Variants in TLN2 observed in about 807,000 individuals in gnomAD.
The protein encoded by TLN2 is talin 2.
In TLN2, 118 loss-of-function variants were observed where a neutral mutation model predicts 294.7. The observed-to-expected ratio is 0.40, with a 90% confidence interval of 0.34 to 0.47. The LOEUF (loss-of-function observed/expected upper bound fraction) is 0.47, where lower values mean the gene tolerates loss of function less well. Among genes scored for constraint, TLN2 ranks in the 20% least tolerant of loss-of-function variants. The probability of loss-of-function intolerance (pLI) is 0.84; values close to 1 mark genes in which losing one functional copy is unlikely to be tolerated. For synonymous variants in TLN2, 1,431 were observed against 1,304.5 expected (o/e 1.10, Z -2.09); for missense variants, 3,083 against 3,282.2 (o/e 0.94, Z 1.48).
chr15:62,698,526 G>A (rs971668726), intron 15 of TLN2, among the ~76,000 whole-genome samples: 1 of 152,170 alleles, frequency 6.6e-6, no homozygotes, highest in Admixed American at 6.5e-5. Context: ...ACACACTTCT[G>A]ATTATAATCC....
At chr15:62,500,206 C>T (rs1481884310) in intron 1 of TLN2, among the ~76,000 whole-genome samples, 15 of 151,958 alleles carry the variant, frequency 9.9e-5, no homozygotes, top group African/African-American at 2.2e-4. Flanking sequence ...GGTGTGGTGG[C>T]GCATGCCTGT....
intron 1 of TLN2, among the ~76,000 whole-genome samples, chr15:62,530,893 T>C (rs550297439): frequency 1.3e-5 from 2 of 152,366 alleles, no homozygotes; most frequent in South Asian, 4.1e-4. Context: ...CTAACAATTA[T>C]TCATACTTCT....
At chr15:62,588,159 C>T (rs2045777032) in intron 1 of TLN2, among the ~76,000 whole-genome samples, 1 of 152,040 alleles carries the variant, frequency 6.6e-6, no homozygotes, top group Non-Finnish European at 1.5e-5. Context: ...GGATTACAGG[C>T]GTGAGCCACC....
chr15:62,756,087 A>G (rs2062231153), intron 37 of TLN2, among the ~76,000 whole-genome samples: 1 of 152,220 alleles, frequency 6.6e-6, no homozygotes, highest in African/African-American at 2.4e-5. Flanking sequence ...GGGCTCTCCC[A>G]TCATTGCTGA....
At chr15:62,818,918 C>G (rs2067328145) in intron 52 of TLN2, among the ~76,000 whole-genome samples, 1 of 151,982 alleles carries the variant, frequency 6.6e-6, no homozygotes, top group Admixed American at 6.6e-5. Context: ...TGCAGTGATG[C>G]AACCACTGCT....
intron 43 of TLN2, 49 bp downstream of exon 43, chr15:62,776,959 G>T: frequency 1.4e-6 from 2 of 1,379,864 alleles, no homozygotes; most frequent in South Asian, 2.0e-5. Context: ...CCTCACCCAT[G>T]GGCCTCGCGT....
chr15:62,589,550 ATGTGT>A (rs1567152383), intron 1 of TLN2, 132 bp from the exon 2 acceptor site: 2 of 152,174 alleles, frequency 1.3e-5, no homozygotes, highest in Non-Finnish European at 2.9e-5. Flanking sequence ...TTCCCAGCCC[ATGTGT>A]TGTGGCAGAA....
At chr15:62,683,593 T>C (rs1347239295) in intron 11 of TLN2, among the ~76,000 whole-genome samples, 1 of 151,924 alleles carries the variant, frequency 6.6e-6, no homozygotes, top group African/African-American at 2.4e-5. Flanking sequence ...GCCTGCATTC[T>C]CCTGCCTCTG....
chr15:62,775,279 C>T (rs1192763149), intron 42 of TLN2, among the ~76,000 whole-genome samples: 1 of 152,078 alleles, frequency 6.6e-6, no homozygotes, highest in Non-Finnish European at 1.5e-5. Flanking sequence ...GAAATATGCA[C>T]CCTCCCTTTC....
intron 1 of TLN2, among the ~76,000 whole-genome samples, chr15:62,417,040 G>T (rs1206171964): frequency 6.6e-6 from 1 of 152,098 alleles, no homozygotes; most frequent in Non-Finnish European, 1.5e-5. Context: ...GCAGATCATC[G>T]AGTTACAGAG....
intron 30 of TLN2, among the ~76,000 whole-genome samples, chr15:62,738,882 G>A (rs1181539456): frequency 6.6e-6 from 1 of 152,200 alleles, no homozygotes; most frequent in African/African-American, 2.4e-5. Context: ...ACATTTAAAA[G>A]TTATTAGCAA....
At chr15:62,717,716 G>C (rs1326348256) in intron 24 of TLN2, 27 bp downstream of exon 24, 1 of 1,500,288 alleles carries the variant, frequency 6.7e-7, no homozygotes, top group Admixed American at 2.4e-5. Context: ...CAGAGAGCCA[G>C]GTCAGCTGCA....
chr15:62,397,913 A>G (rs116062356), intron 1 of TLN2, among the ~76,000 whole-genome samples: 1,667 of 152,184 alleles, frequency 0.011, 40 homozygotes, highest in African/African-American at 0.038. Context: ...TTATGCTTCT[A>G]CCATTTTCAA....
chr15:62,468,697 A>G (rs1455601285), intron 1 of TLN2, among the ~76,000 whole-genome samples: 1 of 150,140 alleles, frequency 6.7e-6, no homozygotes, highest in Admixed American at 6.8e-5. Context: ...GTGAGCTGAG[A>G]TTGCACCACT....
Position 62,618,440 on chromosome 15 carries a change from G to A in TLN2, c.-72G>A, listed in dbSNP as rs2048491513. The A allele has an allele frequency of 6.6e-6, 1 of 152,212 alleles. No homozygotes were observed. Among genetic ancestry groups the A allele is most frequent in the Non-Finnish European group, 1.5e-5 (1 of 68,066 alleles). 9.4% of individuals were successfully genotyped at this position (152,212 alleles called of 1,614,324 possible). A position where few individuals can be genotyped will look rare whatever the true frequency, so the allele number is the denominator to read the frequency against. On this transcript the variant is annotated 5_prime_UTR_variant, in exon 3 of 59. Coordinates refer to ENST00000636159, the MANE Select transcript of TLN2 (RefSeq NM_015059.3). ...CCTGGGTATTAACAGAGGACTCAGT[G>A]GGAGCTCCTGGTCAGAGGACTTGGA...
chr15:62,805,013 G>A (rs1034788384), intron 50 of TLN2, among the ~76,000 whole-genome samples: 1 of 152,130 alleles, frequency 6.6e-6, no homozygotes, highest in African/African-American at 2.4e-5. Context: ...GGGGTGGGTC[G>A]GTGGGTTGCT....
chr15:62,510,861 A>T (rs1223734607), intron 1 of TLN2, among the ~76,000 whole-genome samples: 1 of 152,260 alleles, frequency 6.6e-6, no homozygotes, highest in African/African-American at 2.4e-5. Flanking sequence ...GTTACGTGCT[A>T]TAGAGTGATA....
intron 9 of TLN2, among the ~76,000 whole-genome samples, chr15:62,659,024 AT>A (rs1159282117): frequency 6.6e-6 from 1 of 152,158 alleles, no homozygotes; most frequent in Non-Finnish European, 1.5e-5. Flanking sequence ...ACGTTTACCT[AT>A]TTTTAGGCAT....
At chr15:62,813,236 A>G (rs2066832080) in intron 52 of TLN2, among the ~76,000 whole-genome samples, 1 of 152,190 alleles carries the variant, frequency 6.6e-6, no homozygotes, top group African/African-American at 2.4e-5. Flanking sequence ...GTACTCTTAA[A>G]TCTTGTGTGT....
Sources: allele counts gnomAD v4.1 joint callset (sites outside exome capture counted in the v4.1 genomes callset), GRCh38; gene constraint gnomAD v4.1.1; transcripts MANE v1.5; gene names NCBI Gene and HGNC (gene_info 2026-07-23, HGNC 2026-07-21).